Variants in GJB7 observed in about 807,000 individuals in gnomAD.
GJB7 encodes the protein gap junction beta-7 protein.
For synonymous variants in GJB7, 87 were observed against 95.2 expected (o/e 0.91, Z 0.50); for missense variants, 253 against 256.8 (o/e 0.99, Z 0.10).
At chr6:87,321,988 A>G (rs1582571311) in intron 2 of GJB7, among the ~76,000 whole-genome samples, 1 of 152,202 alleles carries the variant, frequency 6.6e-6, no homozygotes, top group African/African-American at 2.4e-5. Flanking sequence ...CTTCAACACA[A>G]GGGGGCTATT....
intron 1 of GJB7, among the ~76,000 whole-genome samples, chr6:87,327,919 C>T (rs1776871675): frequency 6.7e-6 from 1 of 150,190 alleles, no homozygotes; most frequent in South Asian, 2.1e-4. Context: ...GGTCTTTTCA[C>T]ATAGTCCCAT....
In GJB7 at chr6:87,286,760, G is replaced by GGTTTTT. The variant is rs768718222; in HGVS notation, c.-27-1827_-27-1822dup. ...ATCTCTCAAAACCACTCTGAAAGGT[G>GGTTTTT]GTTTTTGTTTTTGTTTTTGTTTTGT... On this transcript the variant is annotated intron_variant, in intron 2 of 2. Transcript: ENST00000525899. Among the ~76,000 whole-genome samples the GGTTTTT allele has an allele frequency of 1.1e-4, 17 of 152,214 alleles. No homozygotes were observed. The South Asian group carries it at 3.3e-3, about 30-fold the overall frequency.
chr6:87,303,836 C>T (rs1361493397), intron 2 of GJB7, among the ~76,000 whole-genome samples: 1 of 152,186 alleles, frequency 6.6e-6, no homozygotes, highest in Non-Finnish European at 1.5e-5. Flanking sequence ...TCTCAGACCA[C>T]AGCACAATCA....
At chr6:87,328,572 G>A (rs909825062) in intron 1 of GJB7, among the ~76,000 whole-genome samples, 1 of 152,054 alleles carries the variant, frequency 6.6e-6, no homozygotes, top group African/African-American at 2.4e-5. Context: ...TCGGGGGTCA[G>A]GGGTCAGGGA....
At chr6:87,288,005 C>A (rs539674508) in intron 2 of GJB7, among the ~76,000 whole-genome samples, 164 of 152,190 alleles carry the variant, frequency 1.1e-3, no homozygotes, top group African/African-American at 3.8e-3. Context: ...CGGGTTCAAG[C>A]GATTCTCCTG....
chr6:87,328,727 G>C, intron 1 of GJB7, among the ~76,000 whole-genome samples: 1 of 152,184 alleles, frequency 6.6e-6, no homozygotes, highest in Admixed American at 6.5e-5. Flanking sequence ...CCTGCCCCCA[G>C]AGGTGGAGCC....
chr6:87,292,608 A>G lies in GJB7; in HGVS notation c.-27-7669T>C, dbSNP rs531859534. 3.9e-5 allele frequency among the ~76,000 whole-genome samples: 6 copies of G among 152,358 alleles called. No homozygotes were observed. In the East Asian group the frequency reaches 1.2e-3, roughly 29 times the overall value. Reference sequence around the variant, plus strand: ...GAGAGGGAGTGATTTAAAGTACTTTATCCTTTTATGGAACCATTTCTAGGC... The same window carrying G: ...GAGAGGGAGTGATTTAAAGTACTTTGTCCTTTTATGGAACCATTTCTAGGC... On this transcript the variant is annotated intron_variant, in intron 2 of 2. Transcript: ENST00000525899.
intron 2 of GJB7, chr6:87,322,400 C>T (rs1055206960): frequency 7.8e-6 from 1 of 128,166 alleles, no homozygotes; most frequent in Non-Finnish European, 1.9e-5. Flanking sequence ...AAAGCAAAAA[C>T]GTCCCTTGCA....
chr6:87,285,136 A>C (rs2127895644), intron 2 of GJB7, among the ~76,000 whole-genome samples, 197 bp from the exon 3 acceptor site: 1 of 152,254 alleles, frequency 6.6e-6, no homozygotes, highest in East Asian at 1.9e-4. Flanking sequence ...GGACATAATT[A>C]ATCCCATGTC....
At chr6:87,300,307 C>T (rs1776301808) in intron 2 of GJB7, 1 of 178,138 alleles carries the variant, frequency 5.6e-6, no homozygotes, top group Non-Finnish European at 1.3e-5. Flanking sequence ...AAAATTGACC[C>T]AACAAACATT....
At chr6:87,290,615 C>T (rs932869675) in intron 2 of GJB7, among the ~76,000 whole-genome samples, 1 of 152,160 alleles carries the variant, frequency 6.6e-6, no homozygotes, top group Non-Finnish European at 1.5e-5. Flanking sequence ...AGCTGAATGA[C>T]CAGCTCATAT....
At position 87,284,658 on chromosome 6, in the gene GJB7, G is replaced by A; in HGVS notation, c.255C>T (p.Ser85=). The A allele has an allele frequency of 1.2e-6, 2 of 1,614,120 alleles. No individual in the cohort carries two copies. Among genetic ancestry groups the A allele is most frequent in the African/African-American group, 1.3e-5 (1 of 75,010 alleles). ...GTAAAACCACCAGAAGTGAAGGTGT[G>A]GAGACCATTATCAGTTGTAAGGCCC... ...RLWALQLIMV[S]TPSLLVVLHV... The change falls in exon 3 of 3, where the codon TCC becomes TCT. Residue 85 remains serine (S), a synonymous_variant. Coordinates refer to ENST00000525899, the MANE Select transcript of GJB7 (RefSeq NM_198568.3).
intron 2 of GJB7, among the ~76,000 whole-genome samples, chr6:87,290,811 T>C (rs954914223): frequency 1.2e-4 from 18 of 152,150 alleles, no homozygotes; most frequent in Non-Finnish European, 4.4e-5. Flanking sequence ...CAGTGTGGAG[T>C]AGTTGCGACA....
At position 87,323,056 on chromosome 6, in the gene GJB7, G is replaced by C. The variant is rs1776710245; in HGVS notation, c.-205-13C>G. The C allele has an allele frequency of 7.1e-6, 1 of 141,616 alleles. No homozygotes were observed. The highest frequency in any genetic ancestry group is 2.1e-4 in the South Asian group (1 of 4,826). 8.8% of individuals were successfully genotyped at this position (141,616 alleles called of 1,614,324 possible). A position where few individuals can be genotyped will look rare whatever the true frequency, so the allele number is the denominator to read the frequency against. On this transcript the variant is annotated splice_polypyrimidine_tract_variant and intron_variant, in intron 1 of 2. Coordinates refer to ENST00000525899, the MANE Select transcript of GJB7 (RefSeq NM_198568.3). ...TGCTTTTTCAGCCCTGCAACACAAT[G>C]TGTAGAACTTAACGGAATGAAGTTT... is the stretch of plus-strand genomic sequence containing the variant.
At chr6:87,325,529 G>A (rs1457670751) in intron 1 of GJB7, among the ~76,000 whole-genome samples, 4 of 149,116 alleles carry the variant, frequency 2.7e-5, no homozygotes, top group Non-Finnish European at 5.9e-5. Context: ...ATAATCATGT[G>A]GTTTTTGTCT....
intron 2 of GJB7, among the ~76,000 whole-genome samples, chr6:87,301,578 G>T (rs991186090): frequency 3.3e-5 from 5 of 152,190 alleles, no homozygotes; most frequent in Admixed American, 3.3e-4. Context: ...AGGCCTGCCT[G>T]CCTGTATAGA....
intron 2 of GJB7, among the ~76,000 whole-genome samples, chr6:87,319,700 A>G (rs188155026): frequency 6.6e-6 from 1 of 152,376 alleles, no homozygotes; most frequent in Admixed American, 6.5e-5. Flanking sequence ...AAGGAAATCA[A>G]CACATCAAAA....
intron 2 of GJB7, among the ~76,000 whole-genome samples, chr6:87,292,168 T>A (rs960947765): frequency 1.3e-5 from 2 of 152,220 alleles, no homozygotes; most frequent in African/African-American, 4.8e-5. Flanking sequence ...GAACTGAAAC[T>A]GGAAAAAATC....
intron 2 of GJB7, among the ~76,000 whole-genome samples, chr6:87,292,195 C>G (rs930734350): frequency 6.6e-6 from 1 of 152,218 alleles, no homozygotes; most frequent in Non-Finnish European, 1.5e-5. Context: ...CGCTCATATA[C>G]ACGCAGTTCA....
Sources: gnomAD v4.1 joint callset for allele counts (sites outside exome capture counted in the v4.1 genomes callset) on GRCh38, gnomAD v4.1.1 for gene constraint, MANE v1.5 for transcripts, NCBI Gene and HGNC (gene_info 2026-07-23, HGNC 2026-07-21) for gene names.